AGPAT4: variants seen among roughly 807,000 people sequenced by gnomAD.
AGPAT4 encodes the protein 1-acyl-sn-glycerol-3-phosphate acyltransferase delta.
Under a neutral mutation model 48.0 loss-of-function variants are expected in AGPAT4, and 15 were observed. The ratio of observed to expected loss-of-function variants is 0.31; its 90% CI spans 0.21 to 0.48. The LOEUF is 0.48. AGPAT4 is among the 20% of genes least tolerant of loss of function. The pLI is 0.99. For missense variants in AGPAT4, 314 were observed against 482.5 expected (o/e 0.65, Z 3.27); for synonymous variants, 178 against 198.7 (o/e 0.90, Z 0.88).
rs1289114348 is a variant in AGPAT4 at position 161,146,548 on chromosome 6, C to T, written c.819G>A (p.Trp273Ter). ...CCTTCTCCTGGTAGAGCTTGTGCAG[C>T]CAGGCCGAGCACTCGTCATCGTCTT... ...IPEDDDECSA[W>*]LHKLYQEKDA... The change falls in exon 7 of 9, where the codon TGG (tryptophan) becomes TGA (stop). Residue 273 changes from tryptophan (W) to a stop codon, truncating the protein, a stop_gained. Coordinates refer to ENST00000320285, the MANE Select transcript of AGPAT4 (RefSeq NM_020133.3). LOFTEE classifies it high-confidence loss of function. This position sits in a 1 kb window ranked among gnomAD's most constrained non-coding sequence, Gnocchi z 7.1. 6.2e-7 allele frequency: 1 copy of T among 1,613,926 alleles called. No individual in the cohort carries two copies. The highest frequency in any genetic ancestry group is 1.7e-5 in the Admixed American group (1 of 59,990).
At position 161,149,230 on chromosome 6, in the gene AGPAT4, C is replaced by A. The variant is rs1424805274; in HGVS notation, c.724G>T (p.Gly242Ter). 6.2e-7 allele frequency: 1 copy of A among 1,613,596 alleles called. No individual in the cohort carries two copies. Among genetic ancestry groups the A allele is most frequent in the Non-Finnish European group, 8.5e-7 (1 of 1,179,950 alleles). Residue 242 changes from glycine (G) to a stop codon, truncating the protein, a stop_gained, in exon 6 of 9, where the codon GGA (glycine) becomes TGA (stop). Transcript: ENST00000320285. LOFTEE classifies it high-confidence loss of function. This position sits in a 1 kb window ranked among gnomAD's most constrained non-coding sequence, Gnocchi z 6.5. ...FRNNENPTLL[G>*]VLNGKKYHAD... The stretch of plus-strand genomic sequence containing the variant: ...TGGTATTTCTTTCCGTTTAGGACTC[C>A]CAGCAGTGTTGGATTTTCATTATTT...
rs1487703554 is a variant in AGPAT4 at position 161,166,123 on chromosome 6, C to T, written c.348+125G>A. 7.8e-7 allele frequency: 1 copy of T among 1,288,514 alleles called. No individual in the cohort carries two copies. Among genetic ancestry groups the T allele is most frequent in the East Asian group, 2.5e-5 (1 of 39,424 alleles). The allele number at this position is 1,288,514 out of a possible 1,614,324, so 79.8% of individuals were successfully genotyped here. A position where few individuals can be genotyped will look rare whatever the true frequency, so the allele number is the denominator to read the frequency against. On this transcript the variant is annotated intron_variant, in intron 3 of 8. Transcript: ENST00000320285. This position sits in a 1 kb window ranked among gnomAD's most constrained non-coding sequence, Gnocchi z 6.7. ...AGAATAAAAAGCAGTTTATTAGGACCATTTCATCAAGTAGAAACTCTGTTG... is the reference window on the plus strand; with the variant it reads ...AGAATAAAAAGCAGTTTATTAGGACTATTTCATCAAGTAGAAACTCTGTTG...
At chr6:161,172,140 A>T (rs1185925083) in intron 2 of AGPAT4, among the ~76,000 whole-genome samples, 2 of 152,232 alleles carry the variant, frequency 1.3e-5, no homozygotes, top group Non-Finnish European at 2.9e-5. Flanking sequence ...CAGAATAAAA[A>T]CAGGAGAAGA....
chr6:161,263,100 G>T (rs1783150985), intron 1 of AGPAT4, among the ~76,000 whole-genome samples: 1 of 87,430 alleles, frequency 1.1e-5, no homozygotes, highest in African/African-American at 7.7e-5. Flanking sequence ...CATATTCTCG[G>T]CGGCGGTGGG....
chr6:161,132,951 C>T lies in AGPAT4; in HGVS notation c.*3589G>A, dbSNP rs1386233886. On this transcript the variant is annotated 3_prime_UTR_variant, in exon 9 of 9. Coordinates refer to ENST00000320285, the MANE Select transcript of AGPAT4 (RefSeq NM_020133.3). ...GCTCACAAATATTCCTCTAAATATT[C>T]CTCCATACAGCCTAGGGCCCCTCAA... The T allele has an allele frequency of 6.6e-6, 1 of 152,208 alleles. No homozygotes were observed. Among genetic ancestry groups the T allele is most frequent in the Non-Finnish European group, 1.5e-5 (1 of 68,050 alleles). The allele number at this position is 152,208 out of a possible 1,614,324, so 9.4% of individuals were successfully genotyped here.
At position 161,229,613 on chromosome 6, in the gene AGPAT4, C is replaced by T. The variant is rs985157810; in HGVS notation, c.178+2423G>A. 2.6e-5 allele frequency among the ~76,000 whole-genome samples: 4 copies of T among 152,088 alleles called. No individual in the cohort carries two copies. Among genetic ancestry groups the T allele is most frequent in the African/African-American group, 7.2e-5 (3 of 41,408 alleles). ...GGATACCAGAAACGGAGAATCCTGG[C>T]GAGGATTCTCTCAAACCTGGGGATA... On this transcript the variant is annotated intron_variant, in intron 2 of 8. Transcript: ENST00000320285. The surrounding 1 kb of genome is among the most constrained non-coding windows in gnomAD (Gnocchi z 6.0).
rs537391388 is a variant in AGPAT4, at chr6:161,142,560, G to C, written c.844-2940C>G. 6.6e-6 allele frequency among the ~76,000 whole-genome samples: 1 copy of C among 152,140 alleles called. No homozygotes were observed. The highest frequency in any genetic ancestry group is 1.5e-5 in the Non-Finnish European group (1 of 68,030). ...CCCGGACGAACGCCCCCTGCAGCCCGCAACAAAGGCACTAGGGAGGAAGCG... is the reference window on the plus strand; with the variant it reads ...CCCGGACGAACGCCCCCTGCAGCCCCCAACAAAGGCACTAGGGAGGAAGCG... On this transcript the variant is annotated intron_variant, in intron 7 of 8. Transcript: ENST00000320285. The surrounding 1 kb of genome is among the most constrained non-coding windows in gnomAD (Gnocchi z 6.4).
At chr6:161,237,619 G>A (rs6909208) in intron 1 of AGPAT4, among the ~76,000 whole-genome samples, 47,339 of 152,062 alleles carry the variant, frequency 0.31, 8,076 homozygotes, top group African/African-American at 0.46. Flanking sequence ...ATTCTTAACT[G>A]TAAAATAATA....
rs950705904 is a variant in AGPAT4 at position 161,272,358 on chromosome 6, T to A, written c.-90+1580A>T. ...ATGTTTATCTTAAATTATAGATAATTTTAAGAGTCATGAATGGGATTACTA... is the reference window on the plus strand; with the variant it reads ...ATGTTTATCTTAAATTATAGATAATATTAAGAGTCATGAATGGGATTACTA... On this transcript the variant is annotated intron_variant, in intron 1 of 8. Transcript: ENST00000320285. The surrounding 1 kb of genome is among the most constrained non-coding windows in gnomAD (Gnocchi z 4.2). Among the ~76,000 whole-genome samples the A allele has an allele frequency of 6.6e-6, 1 of 152,154 alleles. No homozygotes were observed. The highest frequency in any genetic ancestry group is 2.4e-5 in the African/African-American group (1 of 41,436).
chr6:161,179,712 G>A lies in AGPAT4; in HGVS notation c.179-13295C>T, dbSNP rs556625812. Among the ~76,000 whole-genome samples the A allele has an allele frequency of 4.6e-5, 7 of 152,228 alleles. No homozygotes were observed. The South Asian group carries it at 1.3e-3, about 27-fold the overall frequency. ...TACCCAACATGAAGACAACAAGGAT[G>A]AAGACCTCTATGATGATCCACTTCC... On this transcript the variant is annotated intron_variant, in intron 2 of 8. Transcript: ENST00000320285.
In AGPAT4 at chr6:161,198,510, G is replaced by T. The variant is rs1004664637; in HGVS notation, c.179-32093C>A. Among the ~76,000 whole-genome samples the T allele has an allele frequency of 2.6e-5, 4 of 152,194 alleles. No homozygotes were observed. ...GCTGAGGTTGAGAAACCTGTCTTAC[G>T]GCCATGACAGTGAGAAAAATAAACC... On this transcript the variant is annotated intron_variant, in intron 2 of 8. Transcript: ENST00000320285. The surrounding 1 kb of genome is among the most constrained non-coding windows in gnomAD (Gnocchi z 4.3).
intron 5 of AGPAT4, among the ~76,000 whole-genome samples, chr6:161,152,813 A>G (rs1172903281): frequency 1.3e-5 from 2 of 152,200 alleles, no homozygotes; most frequent in Non-Finnish European, 2.9e-5. Context: ...GGTGTGCAGA[A>G]GGACACAGAG....
chr6:161,224,084 A>G (rs1007642861), intron 2 of AGPAT4, among the ~76,000 whole-genome samples: 7 of 152,214 alleles, frequency 4.6e-5, no homozygotes, highest in Non-Finnish European at 8.8e-5. Flanking sequence ...ATTTTAAGTG[A>G]GATCTAAATT....
chr6:161,265,329 G>A (rs1314196602), intron 1 of AGPAT4, among the ~76,000 whole-genome samples: 4 of 112,028 alleles, frequency 3.6e-5, no homozygotes, highest in Middle Eastern at 5.3e-3. Context: ...AGTACCCACC[G>A]CTGGACTGGG....
At chr6:161,176,550 G>T (rs1583304244) in intron 2 of AGPAT4, among the ~76,000 whole-genome samples, 1 of 152,006 alleles carries the variant, frequency 6.6e-6, no homozygotes, top group Non-Finnish European at 1.5e-5. Context: ...ACATGAGATG[G>T]GTCTCCTGAA....
rs1480390757 is a variant in AGPAT4 at position 161,141,084 on chromosome 6, C to T, written c.844-1464G>A. ...TTTCTTCTTTTTCATTCAGGGTGTA[C>T]TGAATCATAGGCTTTCTTGGCCTCT... On this transcript the variant is annotated intron_variant, in intron 7 of 8. Coordinates refer to ENST00000320285, the MANE Select transcript of AGPAT4 (RefSeq NM_020133.3). The surrounding 1 kb of genome is among the most constrained non-coding windows in gnomAD (Gnocchi z 6.7). Among the ~76,000 whole-genome samples the T allele has an allele frequency of 3.9e-5, 6 of 152,022 alleles. No homozygotes were observed. Among genetic ancestry groups the T allele is most frequent in the African/African-American group, 1.4e-4 (6 of 41,386 alleles).
Position 161,242,671 on chromosome 6 carries a change from T to G in AGPAT4, c.-89-10369A>C, listed in dbSNP as rs1782526044. On this transcript the variant is annotated intron_variant, in intron 1 of 8. Transcript: ENST00000320285. The surrounding 1 kb of genome is among the most constrained non-coding windows in gnomAD (Gnocchi z 5.0). ...CTCAGTCTGTGAAGTCTCCAAAAAA[T>G]TTTATCAACTCCTGATGAAAAATCC... Among the ~76,000 whole-genome samples the G allele has an allele frequency of 6.6e-6, 1 of 152,134 alleles. No homozygotes were observed. The highest frequency in any genetic ancestry group is 2.4e-5 in the African/African-American group (1 of 41,426).
chr6:161,168,518 T>C (rs12190406), intron 2 of AGPAT4, among the ~76,000 whole-genome samples: 12,753 of 151,960 alleles, frequency 0.084, 664 homozygotes, highest in Non-Finnish European at 0.12. Flanking sequence ...TCCCCTACTA[T>C]AGAGCACGGG....
In AGPAT4 at chr6:161,173,901, G is replaced by A. The variant is rs202017662; in HGVS notation, c.179-7484C>T. Among the ~76,000 whole-genome samples the A allele has an allele frequency of 2.8e-4, 43 of 152,260 alleles. No individual in the cohort carries two copies. The East Asian group carries it at 7.3e-3, about 26-fold the overall frequency. Reference sequence around the variant, plus strand: ...TTCCCAGCACCATTTATTAAATAGCGAATCCTTTCCCCACTGCTTGTTTTT... The same window carrying A: ...TTCCCAGCACCATTTATTAAATAGCAAATCCTTTCCCCACTGCTTGTTTTT... On this transcript the variant is annotated intron_variant, in intron 2 of 8. Transcript: ENST00000320285.
Sources: gnomAD v4.1 joint callset for allele counts (sites outside exome capture counted in the v4.1 genomes callset) on GRCh38, gnomAD v4.1.1 for gene constraint, Gnocchi (gnomAD v3.1) non-coding constraint, MANE v1.5 for transcripts, NCBI Gene and HGNC (gene_info 2026-07-23, HGNC 2026-07-21) for gene names.